Variants in CRK observed in about 807,000 individuals in gnomAD.
The protein encoded by CRK is adapter molecule crk.
Under a neutral mutation model 29.8 loss-of-function variants are expected in CRK, and 4 were observed. The observed-to-expected ratio is 0.13, with a 90% CI of 0.07 to 0.31. CRK has a LOEUF of 0.31. CRK is among the 10% of genes least tolerant of loss of function. The probability of loss-of-function intolerance (pLI) is 1.00; values close to 1 mark genes in which losing one functional copy is unlikely to be tolerated. For missense variants in CRK, 274 were observed against 396.5 expected (o/e 0.69, Z 2.62); for synonymous variants, 153 against 164.9 (o/e 0.93, Z 0.55).
intron 1 of CRK, among the ~76,000 whole-genome samples, chr17:1,443,019 C>T (rs894098269): frequency 1.4e-5 from 2 of 147,522 alleles, no homozygotes; most frequent in African/African-American, 2.5e-5. Context: ...TGCTCTGTTG[C>T]CCAGGCTGGA....
At position 1,423,666 on chromosome 17, in the gene CRK, AAGG is replaced by A. The variant is rs2150897115; in HGVS notation, c.778-19_778-17del. 2.5e-6 allele frequency: 4 copies of A among 1,613,422 alleles called. No homozygotes were observed. The highest frequency in any genetic ancestry group is 2.5e-6 in the Non-Finnish European group (3 of 1,179,624). Reference sequence around the variant, plus strand: ...GCTCACCGACCTGCAGGAGGAGAATAAGGAGAGCACTTTATTTCCAGGTAGGAA... The same window carrying A: ...GCTCACCGACCTGCAGGAGGAGAATAAGAGCACTTTATTTCCAGGTAGGAA... On this transcript the variant is annotated splice_polypyrimidine_tract_variant and intron_variant, in intron 2 of 2. Coordinates refer to ENST00000300574, the MANE Select transcript of CRK (RefSeq NM_016823.4).
At chr17:1,443,961 A>G (rs931607212) in intron 1 of CRK, among the ~76,000 whole-genome samples, 26 of 150,628 alleles carry the variant, frequency 1.7e-4, no homozygotes, top group Admixed American at 5.3e-4. Context: ...CGGCCTCCCA[A>G]AGTGCTGGGA....
At chr17:1,440,990 G>A (rs765694093) in intron 1 of CRK, among the ~76,000 whole-genome samples, 11 of 152,022 alleles carry the variant, frequency 7.2e-5, no homozygotes, top group Non-Finnish European at 1.3e-4. Context: ...TCACCCAGGC[G>A]GGAGTGCAGA....
chr17:1,422,709 C>T lies in CRK; in HGVS notation c.*804G>A, dbSNP rs1296431903. The T allele has an allele frequency of 1.3e-5, 5 of 373,762 alleles. No individual in the cohort carries two copies. The highest frequency in any genetic ancestry group is 2.4e-5 in the Non-Finnish European group (5 of 210,564). The allele number at this position is 373,762 out of a possible 1,614,324, so 23.2% of individuals were successfully genotyped here. Reference sequence around the variant, plus strand: ...CATTAGTTAGGACTCTAGTTAGCTGCTGTAGAAGGGTGACCTACTACGACC... The same window carrying T: ...CATTAGTTAGGACTCTAGTTAGCTGTTGTAGAAGGGTGACCTACTACGACC... On this transcript the variant is annotated 3_prime_UTR_variant, in exon 3 of 3. Coordinates refer to ENST00000300574, the MANE Select transcript of CRK (RefSeq NM_016823.4).
chr17:1,443,200 C>T (rs766633518), intron 1 of CRK, among the ~76,000 whole-genome samples: 7 of 151,906 alleles, frequency 4.6e-5, no homozygotes, highest in East Asian at 1.9e-4. Context: ...AGGCTGGTCT[C>T]GAACTCCTGA....
intron 1 of CRK, among the ~76,000 whole-genome samples, chr17:1,439,146 C>T (rs992159814): frequency 6.6e-6 from 1 of 151,904 alleles, no homozygotes; most frequent in Non-Finnish European, 1.5e-5. Flanking sequence ...CCCAGGCTGG[C>T]GTGCAGTGGC....
Position 1,442,983 on chromosome 17 carries a change from TC to T in CRK, c.242-5829del, listed in dbSNP as rs780551357. ...CAGCTCACAGCAACCTCCCTTTCTT[TC>T]TTTTTTTTTTTTGAGACGGACTCTT... is the stretch of plus-strand genomic sequence containing the variant. On this transcript the variant is annotated intron_variant, in intron 1 of 2. Transcript: ENST00000300574. Among the ~76,000 whole-genome samples, 230 of 93,976 alleles carry T rather than the reference TC, an allele frequency of 2.4e-3. 1 individual carries two copies. Among genetic ancestry groups the T allele is most frequent in the East Asian group, 7.6e-3 (30 of 3,922 alleles). The allele number at this position is 93,976 out of a possible 152,430, so 61.7% of individuals were successfully genotyped here. A position where few individuals can be genotyped will look rare whatever the true frequency, so the allele number is the denominator to read the frequency against.
intron 1 of CRK, among the ~76,000 whole-genome samples, chr17:1,440,874 A>T (rs2073929904): frequency 6.6e-6 from 1 of 152,234 alleles, no homozygotes; most frequent in Non-Finnish European, 1.5e-5. Flanking sequence ...ACTGCATTCC[A>T]GCCTGGGCAA....
intron 1 of CRK, among the ~76,000 whole-genome samples, chr17:1,446,590 CTTTTTTTT>C (rs56660089): frequency 1.6e-5 from 2 of 125,484 alleles, no homozygotes; most frequent in Non-Finnish European, 3.2e-5. Context: ...CTCACTATGA[CTTTTTTTT>C]TTTTTTTTTT....
intron 1 of CRK, among the ~76,000 whole-genome samples, chr17:1,444,110 A>G (rs2073955847): frequency 6.6e-6 from 1 of 151,880 alleles, no homozygotes; most frequent in African/African-American, 2.4e-5. Flanking sequence ...TTGGGATTAT[A>G]GGCATGAGCC....
At chr17:1,440,888 A>G (rs1235947868) in intron 1 of CRK, among the ~76,000 whole-genome samples, 1 of 152,206 alleles carries the variant, frequency 6.6e-6, no homozygotes, top group Non-Finnish European at 1.5e-5. Flanking sequence ...TGGGCAAAAG[A>G]GAGAGACCTT....
intron 2 of CRK, among the ~76,000 whole-genome samples, chr17:1,434,357 G>A (rs2073870948): frequency 6.6e-6 from 1 of 152,184 alleles, no homozygotes; most frequent in Non-Finnish European, 1.5e-5. Flanking sequence ...CTGGGAGATA[G>A]GCCTTACCCT....
intron 2 of CRK, among the ~76,000 whole-genome samples, chr17:1,425,490 G>A (rs2073769894): frequency 1.3e-5 from 2 of 152,098 alleles, no homozygotes; most frequent in Non-Finnish European, 1.5e-5. Flanking sequence ...TAACTCTTGG[G>A]CTCATGGGAT....
At chr17:1,437,551 C>T (rs965784918) in intron 1 of CRK, among the ~76,000 whole-genome samples, 7 of 152,090 alleles carry the variant, frequency 4.6e-5, no homozygotes, top group African/African-American at 1.7e-4. Context: ...CTGATCAGGA[C>T]GTGCTCTCAT....
Position 1,436,542 on chromosome 17 carries a change from A to G in CRK, c.777+78T>C, listed in dbSNP as rs533625751. The G allele has an allele frequency of 4.8e-6, 7 of 1,451,864 alleles. No individual in the cohort carries two copies. The East Asian group carries it at 1.4e-4, about 29-fold the overall frequency. 89.9% of individuals were successfully genotyped at this position (1,451,864 alleles called of 1,614,324 possible). Reference sequence around the variant, plus strand: ...ACAACATCCCAATGCTGTAGTCAGCATTGCTACAAAGCTCTAAGAGGACCG... The same window carrying G: ...ACAACATCCCAATGCTGTAGTCAGCGTTGCTACAAAGCTCTAAGAGGACCG... On this transcript the variant is annotated intron_variant, in intron 2 of 2. Coordinates refer to ENST00000300574, the MANE Select transcript of CRK (RefSeq NM_016823.4).
intron 1 of CRK, among the ~76,000 whole-genome samples, chr17:1,443,549 C>A (rs1049262066): frequency 2.6e-5 from 4 of 151,786 alleles, no homozygotes; most frequent in African/African-American, 9.7e-5. Context: ...GCGCCCGCCA[C>A]CACGCCCGGC....
At chr17:1,425,718 C>A (rs1427797540) in intron 2 of CRK, among the ~76,000 whole-genome samples, 1 of 152,246 alleles carries the variant, frequency 6.6e-6, no homozygotes, top group African/African-American at 2.4e-5. Context: ...CTCTTCCAGG[C>A]CCAGCCTGAC....
At chr17:1,453,068 A>C (rs2074030982) in intron 1 of CRK, among the ~76,000 whole-genome samples, 1 of 152,190 alleles carries the variant, frequency 6.6e-6, no homozygotes, top group Admixed American at 6.6e-5. Flanking sequence ...TGTTCATGCC[A>C]CTGCACTCCA....
intron 2 of CRK, among the ~76,000 whole-genome samples, chr17:1,434,880 A>C (rs2073875609): frequency 1.3e-5 from 2 of 152,044 alleles, no homozygotes; most frequent in South Asian, 4.1e-4. Flanking sequence ...TTCTACTCAA[A>C]TCTTTATTTA....
Sources: allele counts gnomAD v4.1 joint callset (sites outside exome capture counted in the v4.1 genomes callset), GRCh38; gene constraint gnomAD v4.1.1; transcripts MANE v1.5; gene names NCBI Gene and HGNC (gene_info 2026-07-23, HGNC 2026-07-21).